RCAN1: variants seen among roughly 807,000 people sequenced by gnomAD.
RCAN1 encodes the protein calcipressin-1.
RCAN1 carries 11 observed loss-of-function variants against 22.9 expected under a neutral mutation model. The observed-to-expected ratio is 0.48, with a 90% CI of 0.30 to 0.79. The LOEUF (loss-of-function observed/expected upper bound fraction) is 0.79. RCAN1 is among the 30% of genes least tolerant of loss of function. RCAN1 has a pLI of 0.06. For synonymous variants in RCAN1, 136 were observed against 142.3 expected, an observed-to-expected ratio of 0.96 and a Z score of 0.32; for missense variants, 291 against 337.8, an observed-to-expected ratio of 0.86 and a Z score of 1.09.
chr21:34,525,030 A>G, intron 1 of RCAN1: 5 of 1,542,688 alleles, frequency 3.2e-6, no homozygotes, highest in Non-Finnish European at 4.4e-6. Context: ...CTGGCCAGGA[A>G]GAAGGGGATG....
intron 3 of RCAN1, chr21:34,520,962 G>T: frequency 1.8e-6 from 1 of 550,468 alleles, no homozygotes; most frequent in Non-Finnish European, 2.4e-6. Context: ...AGCAAGCTCT[G>T]TAGGGGACCA....
intron 2 of RCAN1, 50 bp from the exon 3 acceptor site, chr21:34,521,708 A>G (rs376849150): frequency 2.6e-6 from 4 of 1,511,060 alleles, no homozygotes; most frequent in Non-Finnish European, 3.6e-6. Flanking sequence ...GAAGAACTGC[A>G]GTGAGGCAAC....
intron 1 of RCAN1, among the ~76,000 whole-genome samples, chr21:34,544,180 C>G (rs540031347): frequency 1.3e-5 from 2 of 152,368 alleles, no homozygotes; most frequent in East Asian, 1.9e-4. Context: ...GGTGGACAAG[C>G]TTTGCATGAT....
chr21:34,547,114 C>T (rs1169562483), intron 1 of RCAN1, among the ~76,000 whole-genome samples: 1 of 152,188 alleles, frequency 6.6e-6, no homozygotes, highest in African/African-American at 2.4e-5. Flanking sequence ...TACTCAGCTG[C>T]AGCCACTACC....
intron 1 of RCAN1, among the ~76,000 whole-genome samples, chr21:34,533,362 AC>A (rs956952704): frequency 1.3e-5 from 2 of 152,088 alleles, no homozygotes; most frequent in Non-Finnish European, 2.9e-5. Context: ...ATTTTTTTAA[AC>A]CATTTTTATT....
At chr21:34,521,689 G>A in intron 2 of RCAN1, 31 bp from the exon 3 acceptor site, 1 of 1,572,754 alleles carries the variant, frequency 6.4e-7, no homozygotes. Flanking sequence ...CAGGTCAGTT[G>A]TTGCCAGGGA....
Position 34,614,356 on chromosome 21 carries a change from C to A in RCAN1, c.252+404G>T. 1 of 991,150 alleles carries A rather than the reference C, an allele frequency of 1.0e-6. No homozygotes were observed. Among genetic ancestry groups the A allele is most frequent in the Non-Finnish European group, 1.2e-6 (1 of 833,838 alleles). The allele number at this position is 991,150 out of a possible 1,614,324, so 61.4% of individuals were successfully genotyped here. A position where few individuals can be genotyped will look rare whatever the true frequency, so the allele number is the denominator to read the frequency against. On this transcript the variant is annotated intron_variant, in intron 1 of 3. Coordinates refer to ENST00000313806, the MANE Select transcript of RCAN1 (RefSeq NM_004414.7). The surrounding 1 kb of genome is among the most constrained non-coding windows in gnomAD (Gnocchi z 6.0). Reference sequence around the variant, plus strand: ...CCTATTTATGAACACTGAGTCACGTCGCCGCTCAATGTCTGTTTCCTCCTC... The same window carrying A: ...CCTATTTATGAACACTGAGTCACGTAGCCGCTCAATGTCTGTTTCCTCCTC...
At chr21:34,549,023 T>G (rs1170712420) in intron 1 of RCAN1, among the ~76,000 whole-genome samples, 2 of 152,244 alleles carry the variant, frequency 1.3e-5, no homozygotes, top group East Asian at 3.8e-4. Context: ...GGATAGGGAC[T>G]ATGAGACCGT....
At chr21:34,525,282 A>G in intron 1 of RCAN1, 3 of 1,549,154 alleles carry the variant, frequency 1.9e-6, no homozygotes, top group Non-Finnish European at 2.6e-6. Flanking sequence ...AGCAGTCGGA[A>G]CAACCTACGA....
At chr21:34,575,415 T>G (rs1262452074) in intron 1 of RCAN1, among the ~76,000 whole-genome samples, 3 of 152,240 alleles carry the variant, frequency 2.0e-5, no homozygotes, top group African/African-American at 7.2e-5. Context: ...TGAGACGGTC[T>G]TATTCTCAAG....
intron 1 of RCAN1, among the ~76,000 whole-genome samples, chr21:34,609,934 C>T (rs1303664031): frequency 4.6e-5 from 7 of 152,192 alleles, no homozygotes; most frequent in Admixed American, 4.6e-4. Context: ...CATTCTGAAC[C>T]TTCCCAAATA....
chr21:34,527,372 T>G (rs1215644650), intron 1 of RCAN1, among the ~76,000 whole-genome samples: 1 of 152,224 alleles, frequency 6.6e-6, no homozygotes, highest in African/African-American at 2.4e-5. Flanking sequence ...TTTTGAAATC[T>G]GTCTTGGTCA....
chr21:34,606,931 C>T (rs1199822752), intron 1 of RCAN1, among the ~76,000 whole-genome samples: 1 of 152,174 alleles, frequency 6.6e-6, no homozygotes, highest in Non-Finnish European at 1.5e-5. Flanking sequence ...TTTGTTATGG[C>T]AGCCTGAGAA....
chr21:34,534,307 G>T (rs1985566644), intron 1 of RCAN1, among the ~76,000 whole-genome samples: 1 of 151,954 alleles, frequency 6.6e-6, no homozygotes. Flanking sequence ...CCTGCCTGTT[G>T]AACTCTTGTT....
intron 1 of RCAN1, among the ~76,000 whole-genome samples, chr21:34,537,466 G>A (rs1985720687): frequency 6.6e-6 from 1 of 152,142 alleles, no homozygotes; most frequent in Non-Finnish European, 1.5e-5. Context: ...GGTGGTGGTG[G>A]CCCGGGGAGA....
rs868426488 is a variant in RCAN1, at chr21:34,563,766, A to T, written c.253-40056T>A. ...CTACTAAAAATACCAAAAAAAAAAAAAAAAATATATATATATATATATATA... is the reference window on the plus strand; with the variant it reads ...CTACTAAAAATACCAAAAAAAAAAATAAAAATATATATATATATATATATA... On this transcript the variant is annotated intron_variant, in intron 1 of 3. Transcript: ENST00000313806. Among the ~76,000 whole-genome samples, 341 of 93,302 alleles carry T rather than the reference A, an allele frequency of 3.7e-3. 1 individual carries two copies. The highest frequency in any genetic ancestry group is 0.013 in the African/African-American group (254 of 20,018). The allele number at this position is 93,302 out of a possible 152,430, so 61.2% of individuals were successfully genotyped here.
intron 1 of RCAN1, among the ~76,000 whole-genome samples, chr21:34,612,963 C>G (rs1319014682): frequency 1.3e-5 from 2 of 152,228 alleles, no homozygotes; most frequent in East Asian, 3.8e-4. Flanking sequence ...TTATCACTAT[C>G]CGAAATGATC....
Position 34,547,271 on chromosome 21 carries a change from G to A in RCAN1, c.253-23561C>T, listed in dbSNP as rs537811910. Among the ~76,000 whole-genome samples, 14 of 152,280 alleles carry A rather than the reference G, an allele frequency of 9.2e-5. No individual in the cohort carries two copies. The East Asian group carries it at 2.3e-3, about 25-fold the overall frequency. ...CCAGGAGTCCAGGCCCATCACAGCAGCCAGGTTTTTACCTAGGTCTACTAC... is the reference window on the plus strand; with the variant it reads ...CCAGGAGTCCAGGCCCATCACAGCAACCAGGTTTTTACCTAGGTCTACTAC... On this transcript the variant is annotated intron_variant, in intron 1 of 3. Coordinates refer to ENST00000313806, the MANE Select transcript of RCAN1 (RefSeq NM_004414.7).
chr21:34,594,851 C>T (rs1209358304), intron 1 of RCAN1, among the ~76,000 whole-genome samples: 19 of 152,224 alleles, frequency 1.2e-4, no homozygotes, highest in Admixed American at 1.2e-3. Flanking sequence ...GCGCATACCT[C>T]ACAGGGATCC....
Sources: gnomAD v4.1 joint callset for allele counts (sites outside exome capture counted in the v4.1 genomes callset) on GRCh38, gnomAD v4.1.1 for gene constraint, Gnocchi (gnomAD v3.1) non-coding constraint, MANE v1.5 for transcripts, NCBI Gene and HGNC (gene_info 2026-07-23, HGNC 2026-07-21) for gene names.